The following SHANK2 variants were observed in gnomAD, a reference collection of about 807,000 sequenced individuals.
SHANK2 encodes SH3 and multiple ankyrin repeat domains protein 2.
A neutral mutation model predicts 133.7 loss-of-function variants in SHANK2; 43 were observed. The ratio of observed to expected loss-of-function variants is 0.32; its 90% CI spans 0.25 to 0.41. SHANK2 has a LOEUF of 0.41. Among genes scored for constraint, SHANK2 ranks in the 10% least tolerant of loss-of-function variants. SHANK2 has a pLI of 1.00. For missense variants in SHANK2, 1,994 were observed against 2,235.8 expected, an observed-to-expected ratio of 0.89 and a Z score of 2.18; for synonymous variants, 1,017 against 952.8, an observed-to-expected ratio of 1.07 and a Z score of -1.24.
chr11:70,600,845 G>T (rs1289477728), intron 17 of SHANK2, among the ~76,000 whole-genome samples: 3 of 152,124 alleles, frequency 2.0e-5, no homozygotes, highest in African/African-American at 7.2e-5. Context: ...TTAAACTCCT[G>T]GAAAATAAGA....
chr11:71,179,134 A>G (rs1590992534), intron 2 of SHANK2, among the ~76,000 whole-genome samples: 1 of 152,376 alleles, frequency 6.6e-6, no homozygotes, highest in African/African-American at 2.4e-5. Flanking sequence ...TACGAAAAAG[A>G]AAACACAGAC....
chr11:71,162,904 C>T lies in SHANK2; in HGVS notation c.-12-15566G>A, dbSNP rs1469469809. The stretch of plus-strand genomic sequence containing the variant: ...TGACTAACATGGTGAAACCCCGTCT[C>T]TACTAAAAATACAAAAAAATTAGCC... On this transcript the variant is annotated intron_variant, in intron 2 of 25. Transcript: ENST00000601538. 2.0e-5 allele frequency among the ~76,000 whole-genome samples: 3 copies of T among 151,540 alleles called. No individual in the cohort carries two copies. The East Asian group carries it at 5.8e-4, about 29-fold the overall frequency.
chr11:70,868,948 C>T lies in SHANK2; in HGVS notation c.1174+27553G>A, dbSNP rs190456984. 4.7e-4 allele frequency among the ~76,000 whole-genome samples: 71 copies of T among 152,294 alleles called. 1 individual carries two copies. In the East Asian group the frequency reaches 5.8e-3, roughly 12 times the overall value. ...TGTGTCACCTGCAAAATTCATGTGACGCAGGCTTCACCCCCAGGATATCAG... is the reference window on the plus strand; with the variant it reads ...TGTGTCACCTGCAAAATTCATGTGATGCAGGCTTCACCCCCAGGATATCAG... On this transcript the variant is annotated intron_variant, in intron 11 of 25. Transcript: ENST00000601538.
intron 17 of SHANK2, among the ~76,000 whole-genome samples, chr11:70,638,566 G>A (rs2134139760): frequency 6.6e-6 from 1 of 152,336 alleles, no homozygotes; most frequent in African/African-American, 2.4e-5. Context: ...GTCAACAGAT[G>A]CACCGGAAAA....
At chr11:71,112,178 A>G (rs1229839731) in intron 5 of SHANK2, among the ~76,000 whole-genome samples, 1 of 152,158 alleles carries the variant, frequency 6.6e-6, no homozygotes, top group Non-Finnish European at 1.5e-5. Flanking sequence ...TGGATCACCT[A>G]AAGTCAGGAG....
At chr11:71,131,530 C>A (rs1312715972) in intron 3 of SHANK2, among the ~76,000 whole-genome samples, 3 of 152,096 alleles carry the variant, frequency 2.0e-5, no homozygotes, top group South Asian at 2.1e-4. Flanking sequence ...TATCTCCAGG[C>A]GATTAGTAAG....
At chr11:70,506,637 T>A (rs2059140817) in intron 17 of SHANK2, among the ~76,000 whole-genome samples, 1 of 152,208 alleles carries the variant, frequency 6.6e-6, no homozygotes, top group South Asian at 2.1e-4. Flanking sequence ...AAAGTTGCTT[T>A]GGACGAGCTT....
intron 14 of SHANK2, among the ~76,000 whole-genome samples, chr11:70,717,781 G>A (rs1232228882): frequency 2.0e-5 from 3 of 151,780 alleles, no homozygotes; most frequent in Non-Finnish European, 2.9e-5. Flanking sequence ...TCCGTGGGGC[G>A]GCCTCATCTA....
chr11:70,786,542 G>A (rs1382231307), intron 14 of SHANK2, among the ~76,000 whole-genome samples: 1 of 152,184 alleles, frequency 6.6e-6, no homozygotes. Flanking sequence ...CCTGCAGGGC[G>A]TGTCTATCTG....
chr11:71,137,002 A>T (rs1248925100), intron 3 of SHANK2, among the ~76,000 whole-genome samples: 1 of 152,168 alleles, frequency 6.6e-6, no homozygotes, highest in East Asian at 1.9e-4. Context: ...AGCTGGGATT[A>T]CAGGCATGCG....
intron 10 of SHANK2, among the ~76,000 whole-genome samples, chr11:70,949,314 C>T (rs1244167477): frequency 6.6e-6 from 1 of 152,228 alleles, no homozygotes; most frequent in Admixed American, 6.5e-5. Flanking sequence ...ACCCTGTGCA[C>T]AGCAACGTCC....
Position 71,092,337 on chromosome 11 carries a change from G to A in SHANK2, c.912+85C>T. Reference sequence around the variant, plus strand: ...TACCTGAAGGCAGGATCTAACCTTTGGGCCACCCTGCTTATCTGCGGGATC... The same window carrying A: ...TACCTGAAGGCAGGATCTAACCTTTAGGCCACCCTGCTTATCTGCGGGATC... On this transcript the variant is annotated intron_variant, in intron 8 of 25. Transcript: ENST00000601538. 3 of 1,456,386 alleles carry A rather than the reference G, an allele frequency of 2.1e-6. No homozygotes were observed. The South Asian group carries it at 3.7e-5, about 18-fold the overall frequency. 90.2% of individuals were successfully genotyped at this position (1,456,386 alleles called of 1,614,324 possible).
At chr11:71,123,306 T>C (rs1225498439) in intron 3 of SHANK2, among the ~76,000 whole-genome samples, 8 of 152,104 alleles carry the variant, frequency 5.3e-5, no homozygotes, top group Non-Finnish European at 7.3e-5. Context: ...AGGTCACCAT[T>C]TGTAGTGGGG....
chr11:71,249,562 A>G (rs1948142092), intron 1 of SHANK2, among the ~76,000 whole-genome samples: 1 of 152,196 alleles, frequency 6.6e-6, no homozygotes, highest in South Asian at 2.1e-4. Flanking sequence ...GGAGGCTGGA[A>G]TTGCAGGCAG....
At chr11:70,684,577 C>A (rs1315141765) in intron 15 of SHANK2, among the ~76,000 whole-genome samples, 1 of 152,136 alleles carries the variant, frequency 6.6e-6, no homozygotes, top group East Asian at 1.9e-4. Context: ...CCTACCCCCA[C>A]CCCAAAGGCA....
chr11:71,165,971 C>A (rs56106928), intron 2 of SHANK2, among the ~76,000 whole-genome samples: 1 of 152,178 alleles, frequency 6.6e-6, no homozygotes, highest in Non-Finnish European at 1.5e-5. Flanking sequence ...GAGGACAACT[C>A]TCCAACCTCC....
intron 14 of SHANK2, among the ~76,000 whole-genome samples, chr11:70,774,678 A>C (rs1297293256): frequency 6.6e-6 from 1 of 152,120 alleles, no homozygotes; most frequent in African/African-American, 2.4e-5. Context: ...GAGATTAGAG[A>C]GTGGTGATGT....
intron 17 of SHANK2, among the ~76,000 whole-genome samples, chr11:70,512,285 A>C (rs568681695): frequency 6.6e-6 from 1 of 152,364 alleles, no homozygotes; most frequent in South Asian, 2.1e-4. Flanking sequence ...GTCCTATGGA[A>C]GGTCAAGACA....
At chr11:70,637,138 CATGTGTGTGT>C (rs1555004562) in intron 17 of SHANK2, among the ~76,000 whole-genome samples, 3 of 152,074 alleles carry the variant, frequency 2.0e-5, no homozygotes, top group Non-Finnish European at 4.4e-5. Flanking sequence ...CCTGTGTGTG[CATGTGTGTGT>C]GCATTAGTAT....
Sources: gnomAD v4.1 joint callset for allele counts (sites outside exome capture counted in the v4.1 genomes callset) on GRCh38, gnomAD v4.1.1 for gene constraint, MANE v1.5 for transcripts, NCBI Gene and HGNC (gene_info 2026-07-23, HGNC 2026-07-21) for gene names.